Variants in RAB31 observed in about 807,000 individuals in gnomAD.
The protein encoded by RAB31 is ras-related protein Rab-31.
A neutral mutation model predicts 25.6 loss-of-function variants in RAB31; 21 were observed. The observed-to-expected ratio is 0.82, with a 90% CI of 0.58 to 1.18. The LOEUF is 1.18. RAB31 is among the 50% of genes most tolerant of loss of function. The pLI is 0.00. For synonymous variants in RAB31, 87 were observed against 84.0 expected (o/e 1.04, Z -0.20); for missense variants, 196 against 250.1 (o/e 0.78, Z 1.46).
At chr18:9,855,088 T>C (rs1291600723) in intron 6 of RAB31, among the ~76,000 whole-genome samples, 1 of 152,210 alleles carries the variant, frequency 6.6e-6, no homozygotes, top group African/African-American at 2.4e-5. Flanking sequence ...CCAGCTAAGC[T>C]TGCTGTTTTA....
chr18:9,718,061 A>AT (rs1340787014), intron 1 of RAB31, among the ~76,000 whole-genome samples: 4 of 151,304 alleles, frequency 2.6e-5, no homozygotes, highest in African/African-American at 4.9e-5. Flanking sequence ...CACTTGGATA[A>AT]TTTTTTTGGT....
intron 3 of RAB31, among the ~76,000 whole-genome samples, chr18:9,812,140 G>C (rs747403613): frequency 1.3e-5 from 2 of 152,164 alleles, no homozygotes; most frequent in African/African-American, 2.4e-5. Flanking sequence ...AATCCCATCT[G>C]TGACCTCATC....
intron 1 of RAB31, 143 bp from the exon 2 acceptor site, chr18:9,775,135 A>G: frequency 1.5e-6 from 2 of 1,303,958 alleles, no homozygotes; most frequent in Non-Finnish European, 2.1e-6. Context: ...GAAATAGAAG[A>G]AAATATCCCC....
At chr18:9,758,027 A>C (rs955838340) in intron 1 of RAB31, 1 of 152,284 alleles carries the variant, frequency 6.6e-6, no homozygotes, top group African/African-American at 2.4e-5. Flanking sequence ...TGTTCCGCAC[A>C]TCCCTTCTGA....
chr18:9,859,107 C>G (rs1599071155), intron 6 of RAB31, 121 bp from the exon 7 acceptor site: 1 of 749,310 alleles, frequency 1.3e-6, no homozygotes, highest in South Asian at 1.9e-5. Context: ...AGGAGCCCCT[C>G]CAGGAACACC....
chr18:9,754,734 A>C (rs966778659), intron 1 of RAB31, among the ~76,000 whole-genome samples: 2 of 152,208 alleles, frequency 1.3e-5, no homozygotes, highest in African/African-American at 4.8e-5. Context: ...AACATTTTAT[A>C]TCAGGACTTG....
intron 5 of RAB31, among the ~76,000 whole-genome samples, chr18:9,826,032 C>T (rs1015954302): frequency 6.6e-6 from 1 of 152,092 alleles, no homozygotes; most frequent in African/African-American, 2.4e-5. Context: ...TGTCACCCCG[C>T]ATACCCATGT....
Position 9,859,407 on chromosome 18 carries a change from C to A in RAB31, c.*82C>A. 8.1e-7 allele frequency: 1 copy of A among 1,234,874 alleles called. No homozygotes were observed. Among genetic ancestry groups the A allele is most frequent in the Non-Finnish European group, 1.2e-6 (1 of 865,358 alleles). 76.5% of individuals were successfully genotyped at this position (1,234,874 alleles called of 1,614,324 possible). ...GCTGAAGGACCCTACGCTCGGTGGC[C>A]TGGCACCTCACTTTGAGAAGAGTGA... On this transcript the variant is annotated 3_prime_UTR_variant, in exon 7 of 7. Transcript: ENST00000578921.
intron 5 of RAB31, among the ~76,000 whole-genome samples, chr18:9,827,515 C>A (rs1028193419): frequency 1.3e-5 from 2 of 151,996 alleles, no homozygotes; most frequent in African/African-American, 4.8e-5. Flanking sequence ...CCAGGAGATG[C>A]TCAGGGGCTG....
chr18:9,741,383 A>AG (rs2145472062), intron 1 of RAB31, among the ~76,000 whole-genome samples: 1 of 148,894 alleles, frequency 6.7e-6, no homozygotes, highest in East Asian at 2.0e-4. Context: ...TCTCAAAAAA[A>AG]AAAAAAAAAA....
chr18:9,779,962 C>T (rs2068393560), intron 2 of RAB31, among the ~76,000 whole-genome samples: 1 of 151,974 alleles, frequency 6.6e-6, no homozygotes, highest in South Asian at 2.1e-4. Context: ...AACATTTGAG[C>T]CCAGGAGTTT....
Position 9,833,729 on chromosome 18 carries a change from A to G in RAB31, c.381-11853A>G, listed in dbSNP as rs1465857724. 2.0e-5 allele frequency among the ~76,000 whole-genome samples: 3 copies of G among 152,328 alleles called. No individual in the cohort carries two copies. In the East Asian group the frequency reaches 5.8e-4, roughly 29 times the overall value. On this transcript the variant is annotated intron_variant, in intron 5 of 6. Coordinates refer to ENST00000578921, the MANE Select transcript of RAB31 (RefSeq NM_006868.4). ...GAAAAAGGGCCTCTCTTACCTCAACATCATTGTGTTCGTTATGGATAGGAA... is the reference window on the plus strand; with the variant it reads ...GAAAAAGGGCCTCTCTTACCTCAACGTCATTGTGTTCGTTATGGATAGGAA...
chr18:9,844,956 T>G (rs767313902), intron 5 of RAB31: 11 of 152,166 alleles, frequency 7.2e-5, no homozygotes, highest in Non-Finnish European at 1.5e-4. Flanking sequence ...CTCTGCTTCC[T>G]GGGTTCACGC....
intron 1 of RAB31, among the ~76,000 whole-genome samples, chr18:9,750,260 A>C (rs916356813): frequency 5.9e-5 from 9 of 152,324 alleles, no homozygotes; most frequent in African/African-American, 2.2e-4. Context: ...TCTAGGATCA[A>C]GATGAAGTGT....
At chr18:9,852,630 T>C (rs1432153072) in intron 6 of RAB31, among the ~76,000 whole-genome samples, 1 of 152,040 alleles carries the variant, frequency 6.6e-6, no homozygotes, top group Non-Finnish European at 1.5e-5. Context: ...ATTGCATGCA[T>C]AAACCACAAT....
chr18:9,843,993 G>A (rs192545661), intron 5 of RAB31, among the ~76,000 whole-genome samples: 2 of 152,292 alleles, frequency 1.3e-5, no homozygotes, highest in African/African-American at 4.8e-5. Flanking sequence ...GGGGCGGGGA[G>A]GTGGGCGCTC....
intron 3 of RAB31, among the ~76,000 whole-genome samples, chr18:9,809,278 C>A (rs75640409): frequency 0.042 from 4,154 of 98,734 alleles, 193 homozygotes; most frequent in African/African-American, 0.11. Flanking sequence ...AGAGCCAAGC[C>A]AAGCCTCAGG....
At chr18:9,851,593 C>G (rs539960259) in intron 6 of RAB31, among the ~76,000 whole-genome samples, 1 of 152,168 alleles carries the variant, frequency 6.6e-6, no homozygotes, top group Non-Finnish European at 1.5e-5. Context: ...GGCACATGCT[C>G]TTAGCTTGTC....
At position 9,860,101 on chromosome 18, in the gene RAB31, G is replaced by A. The variant is rs1376467981; in HGVS notation, c.*776G>A. Reference sequence around the variant, plus strand: ...TGCAGGACATACACATTATTCAAGAGACCACCTGACATGCATCTCCTCCGC... The same window carrying A: ...TGCAGGACATACACATTATTCAAGAAACCACCTGACATGCATCTCCTCCGC... On this transcript the variant is annotated 3_prime_UTR_variant, in exon 7 of 7. Coordinates refer to ENST00000578921, the MANE Select transcript of RAB31 (RefSeq NM_006868.4). 6.6e-6 allele frequency: 1 copy of A among 152,152 alleles called. No individual in the cohort carries two copies. The highest frequency in any genetic ancestry group is 1.5e-5 in the Non-Finnish European group (1 of 68,042). The allele number at this position is 152,152 out of a possible 1,614,324, so 9.4% of individuals were successfully genotyped here. A position where few individuals can be genotyped will look rare whatever the true frequency, so the allele number is the denominator to read the frequency against.
Sources: gnomAD v4.1 joint callset for allele counts (sites outside exome capture counted in the v4.1 genomes callset) on GRCh38, gnomAD v4.1.1 for gene constraint, MANE v1.5 for transcripts, NCBI Gene and HGNC (gene_info 2026-07-23, HGNC 2026-07-21) for gene names.